The following ERP44 variants were observed in gnomAD, a reference collection of about 807,000 sequenced individuals.
ERP44 encodes the protein endoplasmic reticulum resident protein 44.
A neutral mutation model predicts 53.4 loss-of-function variants in ERP44; 25 were observed. The ratio of observed to expected loss-of-function variants is 0.47; its 90% CI spans 0.34 to 0.65. The LOEUF (loss-of-function observed/expected upper bound fraction) is 0.65. Among genes scored for constraint, ERP44 ranks in the 30% least tolerant of loss-of-function variants. The pLI is 0.01. For synonymous variants in ERP44, 145 were observed against 161.2 expected, an observed-to-expected ratio of 0.90 and a Z score of 0.76; for missense variants, 338 against 493.2, an observed-to-expected ratio of 0.69 and a Z score of 2.98.
chr9:100,053,159 A>T (rs1564098684), intron 3 of ERP44, among the ~76,000 whole-genome samples: 1 of 152,368 alleles, frequency 6.6e-6, no homozygotes, highest in South Asian at 2.1e-4. Flanking sequence ...AATAAGTTAT[A>T]TTAAAAGAAT....
intron 1 of ERP44, among the ~76,000 whole-genome samples, chr9:100,062,301 T>G (rs1331369562): frequency 6.6e-6 from 1 of 152,240 alleles, no homozygotes; most frequent in African/African-American, 2.4e-5. Context: ...ATCTACCTTT[T>G]ATTATAGGAG....
chr9:100,014,625 T>G (rs1830511119), intron 8 of ERP44, among the ~76,000 whole-genome samples: 1 of 152,220 alleles, frequency 6.6e-6, no homozygotes, highest in Admixed American at 6.5e-5. Context: ...GGAAAAAAAT[T>G]TAATATTTCA....
intron 8 of ERP44, 21 bp downstream of exon 8, chr9:100,016,301 T>A: frequency 6.3e-7 from 1 of 1,589,606 alleles, no homozygotes; most frequent in Non-Finnish European, 8.5e-7. Context: ...AAAGTAACAA[T>A]GCACAGTAGA....
chr9:100,096,694 C>T lies in ERP44; in HGVS notation c.57+2090G>A, dbSNP rs1476153349. The stretch of plus-strand genomic sequence containing the variant: ...AGAATATACAGCTTTTTAGAGGAGG[C>T]CATTTAAGGAAAAAATGATGACCTC... On this transcript the variant is annotated intron_variant, in intron 1 of 11. Coordinates refer to ENST00000262455, the MANE Select transcript of ERP44 (RefSeq NM_015051.3). 3.9e-5 allele frequency among the ~76,000 whole-genome samples: 6 copies of T among 152,104 alleles called. No homozygotes were observed. In the East Asian group the frequency reaches 9.6e-4, roughly 24 times the overall value.
At chr9:100,070,661 A>G (rs1267156154) in intron 1 of ERP44, among the ~76,000 whole-genome samples, 1 of 152,234 alleles carries the variant, frequency 6.6e-6, no homozygotes, top group Non-Finnish European at 1.5e-5. Context: ...AGAAAGCACC[A>G]CTTGTAAATA....
At chr9:100,043,216 G>A (rs1312238953) in intron 4 of ERP44, among the ~76,000 whole-genome samples, 7 of 113,828 alleles carry the variant, frequency 6.1e-5, no homozygotes, top group East Asian at 3.1e-4. Context: ...CCGAGATAGC[G>A]CCACTGCACT....
At chr9:100,073,149 G>A (rs775414683) in intron 1 of ERP44, among the ~76,000 whole-genome samples, 24 of 152,056 alleles carry the variant, frequency 1.6e-4, no homozygotes, top group Admixed American at 2.6e-4. Context: ...TAAGTACCCT[G>A]TAACAAACTC....
chr9:100,014,250 A>G (rs769981414), intron 8 of ERP44, among the ~76,000 whole-genome samples: 3 of 152,164 alleles, frequency 2.0e-5, no homozygotes, highest in Admixed American at 6.5e-5. Context: ...TGTTAGGTCC[A>G]CAAGCTAAAA....
intron 1 of ERP44, among the ~76,000 whole-genome samples, chr9:100,083,077 A>T (rs2118750928): frequency 6.6e-6 from 1 of 152,158 alleles, no homozygotes; most frequent in Non-Finnish European, 1.5e-5. Flanking sequence ...TGAATAAACA[A>T]AAGAAAGAGA....
At chr9:100,029,349 A>G (rs747258698) in intron 4 of ERP44, among the ~76,000 whole-genome samples, 6 of 152,222 alleles carry the variant, frequency 3.9e-5, no homozygotes, top group Non-Finnish European at 8.8e-5. Flanking sequence ...CCTATTTTAA[A>G]AAGGACATGG....
At chr9:100,074,700 T>C (rs147899536) in intron 1 of ERP44, among the ~76,000 whole-genome samples, 69 of 152,256 alleles carry the variant, frequency 4.5e-4, no homozygotes, top group Non-Finnish European at 7.2e-4. Context: ...TAACTGTGCA[T>C]TGGAGAAAGG....
intron 1 of ERP44, among the ~76,000 whole-genome samples, chr9:100,082,986 C>G (rs2118750773): frequency 6.6e-6 from 1 of 152,064 alleles, no homozygotes; most frequent in South Asian, 2.1e-4. Context: ...TGAATCATAA[C>G]CCAAAGCCAT....
intron 10 of ERP44, among the ~76,000 whole-genome samples, chr9:99,993,723 G>A (rs1198759194): frequency 3.3e-5 from 5 of 152,104 alleles, no homozygotes; most frequent in East Asian, 3.9e-4. Context: ...GAGTGAACAG[G>A]CAACCTTAAG....
At chr9:99,993,711 C>G (rs1587955888) in intron 10 of ERP44, among the ~76,000 whole-genome samples, 1 of 152,168 alleles carries the variant, frequency 6.6e-6, no homozygotes, top group Admixed American at 6.5e-5. Flanking sequence ...AAACTACCAT[C>G]AGAGTGAACA....
At chr9:100,058,557 T>C (rs879690918) in intron 2 of ERP44, among the ~76,000 whole-genome samples, 6 of 152,232 alleles carry the variant, frequency 3.9e-5, no homozygotes, top group Non-Finnish European at 7.3e-5. Context: ...AAAAGACCTG[T>C]ATAACTAAGT....
intron 1 of ERP44, among the ~76,000 whole-genome samples, chr9:100,097,689 G>A (rs374749258): frequency 6.6e-6 from 1 of 151,982 alleles, no homozygotes; most frequent in Non-Finnish European, 1.5e-5. Flanking sequence ...TGCTTTTTCC[G>A]AAAAGGTCCA....
intron 1 of ERP44, among the ~76,000 whole-genome samples, chr9:100,093,836 AT>A (rs1274455953): frequency 6.6e-6 from 1 of 152,156 alleles, no homozygotes; most frequent in African/African-American, 2.4e-5. Flanking sequence ...TTGAGATACC[AT>A]TTCTCACCCA....
intron 5 of ERP44, 144 bp from the exon 6 acceptor site, chr9:100,020,875 C>T: frequency 5.5e-6 from 3 of 540,566 alleles, no homozygotes; most frequent in Non-Finnish European, 9.8e-6. Flanking sequence ...TAGTTTTTAA[C>T]ACCTAGTCCA....
chr9:100,064,985 G>T (rs532004815), intron 1 of ERP44, among the ~76,000 whole-genome samples: 29 of 152,062 alleles, frequency 1.9e-4, no homozygotes, highest in Non-Finnish European at 3.5e-4. Flanking sequence ...AGTTAATTTA[G>T]TATTAAAGAA....
Sources: gnomAD v4.1 joint callset for allele counts (sites outside exome capture counted in the v4.1 genomes callset) on GRCh38, gnomAD v4.1.1 for gene constraint, MANE v1.5 for transcripts, NCBI Gene and HGNC (gene_info 2026-07-23, HGNC 2026-07-21) for gene names.